Variants in SPMIP3 observed in about 807,000 individuals in gnomAD.
SPMIP3 encodes the protein sperm microtubule inner protein 3, also known as protein SPMIP3.
chr1:244,359,461 A>G, the SPMIP3 span, among the ~76,000 whole-genome samples: 4 of 152,218 alleles, frequency 2.6e-5, no homozygotes, highest in Non-Finnish European at 4.4e-5. Context: ...GCAGTGGCTC[A>G]TGCTTGTAAT....
chr1:244,356,906 T>G, the SPMIP3 span, among the ~76,000 whole-genome samples: 1 of 147,582 alleles, frequency 6.8e-6, no homozygotes, highest in East Asian at 2.0e-4. Flanking sequence ...TTTCTTCTTT[T>G]CTTTTCTTTT....
the SPMIP3 span, among the ~76,000 whole-genome samples, chr1:244,360,524 A>T: frequency 4.0e-4 from 23 of 57,736 alleles, no homozygotes; most frequent in Non-Finnish European, 6.7e-4. Context: ...ACACACACAC[A>T]CACACACACA....
At chr1:244,375,822 A>T in the SPMIP3 span, among the ~76,000 whole-genome samples, 4 of 151,922 alleles carry the variant, frequency 2.6e-5, no homozygotes, top group Non-Finnish European at 4.4e-5. Context: ...ACGTTACCAT[A>T]CCCAGCTAAT....
the SPMIP3 span, among the ~76,000 whole-genome samples, chr1:244,388,045 A>G: frequency 2.0e-5 from 3 of 151,266 alleles, no homozygotes; most frequent in Non-Finnish European, 4.4e-5. Context: ...CTCCTGCCTC[A>G]CCTTACCGAG....
chr1:244,368,586 C>A, the SPMIP3 span, among the ~76,000 whole-genome samples: 11 of 152,372 alleles, frequency 7.2e-5, no homozygotes, highest in African/African-American at 2.4e-4. Context: ...CTCTGCCTTG[C>A]AGATTACCAT....
chr1:244,385,892 G>A, the SPMIP3 span, among the ~76,000 whole-genome samples: 2 of 151,972 alleles, frequency 1.3e-5, no homozygotes, highest in Non-Finnish European at 2.9e-5. Flanking sequence ...GGCCAGGTGC[G>A]GTGGCTCACA....
the SPMIP3 span, chr1:244,389,405 A>G: frequency 3.6e-5 from 6 of 166,710 alleles, no homozygotes; most frequent in South Asian, 8.9e-4. Flanking sequence ...AATAAAAAAA[A>G]GAACCGGGGG....
At chr1:244,363,022 T>C in the SPMIP3 span, among the ~76,000 whole-genome samples, 1 of 144,598 alleles carries the variant, frequency 6.9e-6, no homozygotes, top group Admixed American at 7.0e-5. Flanking sequence ...TTTTTTGTTG[T>C]TGTATTTTTC....
the SPMIP3 span, among the ~76,000 whole-genome samples, chr1:244,362,922 C>T: frequency 6.8e-6 from 1 of 147,414 alleles, no homozygotes; most frequent in Non-Finnish European, 1.5e-5. Context: ...TGGCTCACTG[C>T]AACCTCCGCT....
the SPMIP3 span, chr1:244,364,847 G>T: frequency 1.5e-6 from 2 of 1,325,622 alleles, no homozygotes; most frequent in Non-Finnish European, 2.2e-6. Flanking sequence ...CTGCTCAGTG[G>T]TCCAGAGACT....
At chr1:244,375,501 T>C in the SPMIP3 span, 1 of 1,558,224 alleles carries the variant, frequency 6.4e-7, no homozygotes, top group East Asian at 2.2e-5. Context: ...TGTCCAAGAA[T>C]GTCACGAAAG....
At chr1:244,374,587 C>CTTTTTTTTT in the SPMIP3 span, among the ~76,000 whole-genome samples, 3 of 74,616 alleles carry the variant, frequency 4.0e-5, no homozygotes, top group African/African-American at 5.7e-5. Context: ...CCACATTTCT[C>CTTTTTTTTT]TTTTTTTTTT....
the SPMIP3 span, among the ~76,000 whole-genome samples, chr1:244,375,729 A>C: frequency 6.6e-6 from 1 of 151,950 alleles, no homozygotes; most frequent in Admixed American, 6.6e-5. Context: ...CAGTGGCGAG[A>C]TCTTGCCTCA....
chr1:244,366,232 T>C, the SPMIP3 span, among the ~76,000 whole-genome samples: 1 of 152,194 alleles, frequency 6.6e-6, no homozygotes, highest in Non-Finnish European at 1.5e-5. Flanking sequence ...TGGAGTGAAG[T>C]GGCTGGATCA....
the SPMIP3 span, among the ~76,000 whole-genome samples, chr1:244,362,128 T>C: frequency 6.6e-6 from 1 of 152,240 alleles, no homozygotes; most frequent in Non-Finnish European, 1.5e-5. Flanking sequence ...AATCTTCAAG[T>C]TGCTTTGAAA....
chr1:244,364,778 A>G, the SPMIP3 span: 4 of 1,613,276 alleles, frequency 2.5e-6, no homozygotes, highest in African/African-American at 2.7e-5. Context: ...CCAGATGCAC[A>G]GCCTCCGGGA....
At chr1:244,381,363 C>T in the SPMIP3 span, among the ~76,000 whole-genome samples, 1 of 152,136 alleles carries the variant, frequency 6.6e-6, no homozygotes, top group Non-Finnish European at 1.5e-5. Context: ...TCAACAGGAC[C>T]TTCTTTGCAA....
At chr1:244,367,880 C>A in the SPMIP3 span, among the ~76,000 whole-genome samples, 1 of 152,176 alleles carries the variant, frequency 6.6e-6, no homozygotes. Flanking sequence ...AATACTGGAG[C>A]CAACTCCATT....
chr1:244,388,175 C>T, the SPMIP3 span, among the ~76,000 whole-genome samples: 7 of 151,610 alleles, frequency 4.6e-5, no homozygotes, highest in South Asian at 2.1e-4. Flanking sequence ...ATGATCCACC[C>T]GCCTCGGCCT....
Sources: allele counts gnomAD v4.1 joint callset (sites outside exome capture counted in the v4.1 genomes callset), GRCh38; gene constraint gnomAD v4.1.1; transcripts MANE v1.5; gene names NCBI Gene and HGNC (gene_info 2026-07-23, HGNC 2026-07-21).